AFF2: variants seen among roughly 807,000 people sequenced by gnomAD.
AFF2 encodes the protein AF4/FMR2 family member 2.
A neutral mutation model predicts 76.9 loss-of-function variants in AFF2; 14 were observed. The observed-to-expected ratio is 0.18, with a 90% confidence interval of 0.12 to 0.28. The LOEUF is 0.28. AFF2 is among the 10% of genes least tolerant of loss of function. The pLI is 1.00. For missense variants in AFF2, 868 were observed against 1,001.1 expected, an observed-to-expected ratio of 0.87 and a Z score of 1.79; for synonymous variants, 398 against 366.7, an observed-to-expected ratio of 1.09 and a Z score of -0.98.
At chrX:148,913,181 G>A (rs2071490389) in intron 9 of AFF2, among the ~76,000 whole-genome samples, 1 of 112,149 alleles carries the variant, frequency 8.9e-6, no homozygotes, top group Admixed American at 9.4e-5. Flanking sequence ...AATCTCAGAT[G>A]AGAAAACTGA....
At chrX:148,724,610 C>T (rs1304111945) in intron 3 of AFF2, among the ~76,000 whole-genome samples, 3 of 111,988 alleles carry the variant, frequency 2.7e-5, no homozygotes, top group Non-Finnish European at 5.6e-5. Flanking sequence ...CAAATGAAGG[C>T]ACTGAGTAAC....
chrX:148,634,944 A>G (rs967372395), intron 1 of AFF2, among the ~76,000 whole-genome samples: 2 of 111,547 alleles, frequency 1.8e-5, no homozygotes, highest in African/African-American at 6.5e-5. Flanking sequence ...TCATGCATTA[A>G]TTTGCCTCAG....
At chrX:148,811,423 C>T (rs2070201542) in intron 4 of AFF2, among the ~76,000 whole-genome samples, 1 of 111,395 alleles carries the variant, frequency 9.0e-6, no homozygotes, top group Non-Finnish European at 1.9e-5. Flanking sequence ...GGAGACGAGG[C>T]AGCTGTTATG....
At chrX:148,975,827 C>T (rs1557290174) in intron 16 of AFF2, among the ~76,000 whole-genome samples, 1 of 96,588 alleles carries the variant, frequency 1.0e-5, no homozygotes, top group African/African-American at 3.6e-5. Flanking sequence ...GCCTGTAGTC[C>T]CAGCTACTTG....
At chrX:148,895,529 G>T (rs1489858190) in intron 8 of AFF2, among the ~76,000 whole-genome samples, 1 of 109,149 alleles carries the variant, frequency 9.2e-6, no homozygotes, top group African/African-American at 3.4e-5. Flanking sequence ...GACTGTATTT[G>T]TGATGTTCTG....
At chrX:148,828,499 G>A (rs2070414730) in intron 4 of AFF2, among the ~76,000 whole-genome samples, 1 of 112,036 alleles carries the variant, frequency 8.9e-6, no homozygotes, top group African/African-American at 3.2e-5. Context: ...TATTCTGACT[G>A]GTTCAACCTA....
intron 7 of AFF2, among the ~76,000 whole-genome samples, chrX:148,856,892 C>T (rs781819630): frequency 1.2e-3 from 135 of 112,329 alleles, no homozygotes; most frequent in African/African-American, 4.2e-3. Context: ...ATGGAATAGC[C>T]TCTGCCATTC....
chrX:148,713,777 G>A (rs1293684030), intron 3 of AFF2, among the ~76,000 whole-genome samples: 2 of 111,460 alleles, frequency 1.8e-5, no homozygotes, highest in Non-Finnish European at 3.8e-5. Flanking sequence ...GAAGAGGATT[G>A]AAAAATTGGC....
At chrX:148,578,739 T>C (rs1385396680) in intron 1 of AFF2, among the ~76,000 whole-genome samples, 1 of 112,011 alleles carries the variant, frequency 8.9e-6, no homozygotes, top group Non-Finnish European at 1.9e-5. Context: ...GACATATCTG[T>C]CATGTAACTA....
At chrX:148,605,050 A>G (rs1276197997) in intron 1 of AFF2, among the ~76,000 whole-genome samples, 1 of 111,864 alleles carries the variant, frequency 8.9e-6, no homozygotes, top group Non-Finnish European at 1.9e-5. Context: ...GATAAAATCA[A>G]TAATTTCCTA....
chrX:148,764,880 C>A (rs782666292), intron 3 of AFF2, among the ~76,000 whole-genome samples: 22 of 111,710 alleles, frequency 2.0e-4, no homozygotes, highest in African/African-American at 6.5e-4. Flanking sequence ...TATTTCTTCC[C>A]GAATTATTTA....
intron 3 of AFF2, among the ~76,000 whole-genome samples, chrX:148,703,524 G>A (rs2054827921): frequency 8.9e-6 from 1 of 112,011 alleles, no homozygotes; most frequent in Non-Finnish European, 1.9e-5. Context: ...AAAACAGTAG[G>A]TTTATTCTAG....
chrX:148,987,929 G>T lies in AFF2; in HGVS notation c.3814+372G>T, dbSNP rs183436321. Among the ~76,000 whole-genome samples the T allele has an allele frequency of 7.2e-5, 8 of 111,712 alleles. No homozygotes were observed. The Admixed American group carries it at 7.6e-4, about 11-fold the overall frequency. On this transcript the variant is annotated intron_variant, in intron 20 of 20. Transcript: ENST00000370460. Reference sequence around the variant, plus strand: ...TATTATTATTTTTTTGAGAGGTGAGGTTGAACTAAGGCCTTCAACCTTCAA... The same window carrying T: ...TATTATTATTTTTTTGAGAGGTGAGTTTGAACTAAGGCCTTCAACCTTCAA...
chrX:148,562,434 G>A (rs2053124445), intron 1 of AFF2, among the ~76,000 whole-genome samples: 1 of 111,458 alleles, frequency 9.0e-6, no homozygotes, highest in Non-Finnish European at 1.9e-5. Context: ...TCTCCCCTGG[G>A]CCCCTTGTTT....
At chrX:148,702,542 G>C (rs1294929852) in intron 3 of AFF2, among the ~76,000 whole-genome samples, 2 of 111,732 alleles carry the variant, frequency 1.8e-5, no homozygotes, top group Non-Finnish European at 3.8e-5. Flanking sequence ...GGCACAGGTG[G>C]TTCCCTTCAC....
intron 1 of AFF2, among the ~76,000 whole-genome samples, chrX:148,622,138 A>C (rs782675437): frequency 4.8e-4 from 54 of 112,222 alleles, no homozygotes; most frequent in Non-Finnish European, 8.3e-4. Flanking sequence ...TGCAAACAGC[A>C]GTTGAGGCAG....
chrX:148,667,381 T>C (rs782132607), intron 3 of AFF2, among the ~76,000 whole-genome samples: 49 of 112,467 alleles, frequency 4.4e-4, no homozygotes, highest in Non-Finnish European at 8.1e-4. Context: ...GATATGTCCA[T>C]GCAGCTACAC....
intron 1 of AFF2, among the ~76,000 whole-genome samples, chrX:148,560,122 GTTGT>G (rs1213522836): frequency 9.0e-6 from 1 of 111,291 alleles, no homozygotes; most frequent in Non-Finnish European, 1.9e-5. Flanking sequence ...TTTTGATGGG[GTTGT>G]TTGTTTTTTT....
chrX:148,526,714 C>T (rs1470694081), intron 1 of AFF2, among the ~76,000 whole-genome samples: 2 of 111,456 alleles, frequency 1.8e-5, no homozygotes, highest in Non-Finnish European at 3.8e-5. Flanking sequence ...CATACACATA[C>T]ATGAACACAC....
Sources: allele counts gnomAD v4.1 joint callset (sites outside exome capture counted in the v4.1 genomes callset), GRCh38; gene constraint gnomAD v4.1.1; transcripts MANE v1.5; gene names NCBI Gene and HGNC (gene_info 2026-07-23, HGNC 2026-07-21).